The following RAP1GAP2 variants were observed in gnomAD, a reference collection of about 807,000 sequenced individuals.
RAP1GAP2 encodes rap1 GTPase-activating protein 2.
Under a neutral mutation model 95.0 loss-of-function variants are expected in RAP1GAP2, and 27 were observed. That is an observed-to-expected ratio of 0.28 (90% confidence interval 0.21 to 0.39). The LOEUF is 0.39. RAP1GAP2 is among the 10% of genes least tolerant of loss of function. RAP1GAP2 has a pLI of 1.00. For synonymous variants in RAP1GAP2, 373 were observed against 380.9 expected (o/e 0.98, Z 0.24); for missense variants, 771 against 970.0 (o/e 0.79, Z 2.72).
chr17:2,815,235 TC>T (rs1484239913), intron 2 of RAP1GAP2, among the ~76,000 whole-genome samples: 1 of 152,024 alleles, frequency 6.6e-6, no homozygotes, highest in Non-Finnish European at 1.5e-5. Context: ...TAAAGCACTT[TC>T]CCCCACAGTG....
At position 2,924,109 on chromosome 17, in the gene RAP1GAP2, A is replaced by G. The variant is rs191477741; in HGVS notation, c.165+18741A>G. On this transcript the variant is annotated intron_variant, in intron 3 of 24. Transcript: ENST00000254695. Reference sequence around the variant, plus strand: ...CCAAACCTTTGGGGTAGAGATATTAATTTAAAAAGGTAATTTCAACTTTAT... The same window carrying G: ...CCAAACCTTTGGGGTAGAGATATTAGTTTAAAAAGGTAATTTCAACTTTAT... Among the ~76,000 whole-genome samples, 3 of 152,344 alleles carry G rather than the reference A, an allele frequency of 2.0e-5. No homozygotes were observed. The East Asian group carries it at 5.8e-4, about 29-fold the overall frequency.
Position 2,797,787 on chromosome 17 carries a change from G to A in RAP1GAP2, c.44+1216G>A, listed in dbSNP as rs1215825723. ...CTGGGAGCTGCCACCCCGAGGGTAG[G>A]TGCCAGTGTCCGGGAGGCAGCAGAG... is the stretch of plus-strand genomic sequence containing the variant. On this transcript the variant is annotated intron_variant, in intron 1 of 24. Coordinates refer to ENST00000254695, the MANE Select transcript of RAP1GAP2 (RefSeq NM_015085.5). This position sits in a 1 kb window ranked among gnomAD's most constrained non-coding sequence, Gnocchi z 5.6. 2.0e-6 allele frequency: 2 copies of A among 985,262 alleles called. No homozygotes were observed. The highest frequency in any genetic ancestry group is 2.4e-6 in the Non-Finnish European group (2 of 829,920). 61.0% of individuals were successfully genotyped at this position (985,262 alleles called of 1,614,324 possible).
chr17:2,969,287 A>G (rs1397941433), intron 8 of RAP1GAP2, among the ~76,000 whole-genome samples: 1 of 151,766 alleles, frequency 6.6e-6, no homozygotes. Flanking sequence ...TTGATTGCAT[A>G]GTAGATCAGT....
At chr17:2,861,488 T>A (rs568610503) in intron 2 of RAP1GAP2, among the ~76,000 whole-genome samples, 5 of 151,424 alleles carry the variant, frequency 3.3e-5, no homozygotes, top group Admixed American at 3.3e-4. Context: ...TTTTTTTTTT[T>A]TTTTTGAGAC....
chr17:2,895,287 G>A (rs920929347), intron 2 of RAP1GAP2, among the ~76,000 whole-genome samples: 3 of 152,082 alleles, frequency 2.0e-5, no homozygotes, highest in East Asian at 1.9e-4. Context: ...CTGGGAAGCC[G>A]TGGGCCATGG....
chr17:2,998,085 A>G (rs2046027807), intron 13 of RAP1GAP2, 136 bp from the exon 14 acceptor site: 2 of 1,046,476 alleles, frequency 1.9e-6, no homozygotes, highest in Admixed American at 2.2e-5. Flanking sequence ...TTAAACTTCC[A>G]AAACAACAAC....
chr17:2,996,653 G>A (rs1008483482), intron 13 of RAP1GAP2, among the ~76,000 whole-genome samples: 7 of 152,202 alleles, frequency 4.6e-5, no homozygotes, highest in African/African-American at 1.4e-4. Context: ...CTGCTGCCCC[G>A]GCCTGGGCCT....
intron 2 of RAP1GAP2, among the ~76,000 whole-genome samples, chr17:2,838,222 G>A (rs2071227008): frequency 6.6e-6 from 1 of 151,598 alleles, no homozygotes; most frequent in Non-Finnish European, 1.5e-5. Flanking sequence ...GTTTCACCAT[G>A]TTGGTCAGGC....
chr17:2,898,347 T>A (rs2041909030), intron 2 of RAP1GAP2, among the ~76,000 whole-genome samples: 1 of 152,210 alleles, frequency 6.6e-6, no homozygotes, highest in Non-Finnish European at 1.5e-5. Context: ...CAACACCTGC[T>A]CCTTCTCAAG....
chr17:2,893,779 C>CGGCAGTTTCTGAGTGACGGA (rs2073797755), intron 2 of RAP1GAP2, among the ~76,000 whole-genome samples: 1 of 151,700 alleles, frequency 6.6e-6, no homozygotes, highest in African/African-American at 2.4e-5. Context: ...ACTGCTCTGT[C>CGGCAGTTTCTGAGTGACGGA]GGCAGTTTCT....
At chr17:2,846,187 GA>G (rs113651847) in intron 2 of RAP1GAP2, among the ~76,000 whole-genome samples, 1,875 of 130,552 alleles carry the variant, frequency 0.014, 13 homozygotes, top group African/African-American at 0.024. Context: ...TGTCTCAATT[GA>G]AAAAAAAAAA....
chr17:2,913,963 C>T lies in RAP1GAP2; in HGVS notation c.165+8595C>T, dbSNP rs191630699. 1.6e-3 allele frequency among the ~76,000 whole-genome samples: 239 copies of T among 151,720 alleles called. 3 individuals are homozygous for T. The highest frequency in any genetic ancestry group is 6.6e-3 in the East Asian group (34 of 5,128). ...TCTGCTCACTGCAGCCTCCGCCTCC[C>T]GGGTTCAAGGGATTCTCCTGCCTCA... is the stretch of plus-strand genomic sequence containing the variant. On this transcript the variant is annotated intron_variant, in intron 3 of 24. Coordinates refer to ENST00000254695, the MANE Select transcript of RAP1GAP2 (RefSeq NM_015085.5).
At chr17:2,772,437 C>T (rs2068414810), upstream of RAP1GAP2, among the ~76,000 whole-genome samples, 1 of 152,006 alleles carries the variant, frequency 6.6e-6, no homozygotes, top group Non-Finnish European at 1.5e-5. Context: ...TAGGCATGCA[C>T]CACCTTGCAT....
chr17:2,995,265 G>A (rs971537506), intron 12 of RAP1GAP2, 72 bp from the exon 13 acceptor site: 85 of 1,519,540 alleles, frequency 5.6e-5, no homozygotes, highest in Non-Finnish European at 7.1e-5. Context: ...TATACTTAGG[G>A]GAGCTTGCAT....
chr17:2,809,015 GT>G (rs2069642476), intron 2 of RAP1GAP2, among the ~76,000 whole-genome samples: 1 of 152,204 alleles, frequency 6.6e-6, no homozygotes, highest in South Asian at 2.1e-4. Flanking sequence ...CGCTTAGCCG[GT>G]GGTTGGCTTG....
At chr17:2,823,237 A>C (rs1272868693) in intron 2 of RAP1GAP2, among the ~76,000 whole-genome samples, 2 of 152,062 alleles carry the variant, frequency 1.3e-5, no homozygotes, top group Non-Finnish European at 2.9e-5. Context: ...CAGGGAGTCA[A>C]TGGGCCCCCA....
chr17:2,824,088 A>C (rs375100282), intron 2 of RAP1GAP2, among the ~76,000 whole-genome samples: 1 of 144,630 alleles, frequency 6.9e-6, no homozygotes, highest in Non-Finnish European at 1.5e-5. Flanking sequence ...GTGCCACTGC[A>C]CTCCAGCCTG....
chr17:3,009,176 T>C (rs2046430428), intron 17 of RAP1GAP2, among the ~76,000 whole-genome samples: 1 of 152,126 alleles, frequency 6.6e-6, no homozygotes, highest in South Asian at 2.1e-4. Flanking sequence ...AACATAAGGA[T>C]AGGAAGCAGG....
Position 2,800,597 on chromosome 17 carries a change from C to T in RAP1GAP2, c.80+47C>T, listed in dbSNP as rs749581078. ...TGTAAAGGTCAGAGATGACGCGGAT[C>T]AGAGCGCCGGGCCCTTGCTCCCCCC... is the stretch of plus-strand genomic sequence containing the variant. On this transcript the variant is annotated intron_variant, in intron 2 of 24. Coordinates refer to ENST00000254695, the MANE Select transcript of RAP1GAP2 (RefSeq NM_015085.5). The T allele has an allele frequency of 9.7e-5, 154 of 1,591,546 alleles. 1 individual carries two copies. Among genetic ancestry groups the T allele is most frequent in the Admixed American group, 8.4e-4 (48 of 56,806 alleles).
Sources: gnomAD v4.1 joint callset for allele counts (sites outside exome capture counted in the v4.1 genomes callset) on GRCh38, gnomAD v4.1.1 for gene constraint, Gnocchi (gnomAD v3.1) non-coding constraint, MANE v1.5 for transcripts, NCBI Gene and HGNC (gene_info 2026-07-23, HGNC 2026-07-21) for gene names.